B4GALNT3: variants seen among roughly 807,000 people sequenced by gnomAD.
B4GALNT3 encodes beta-1,4-N-acetylgalactosaminyltransferase 3.
B4GALNT3 carries 86 observed loss-of-function variants against 120.2 expected under a neutral mutation model. The observed-to-expected ratio is 0.72, with a 90% CI of 0.60 to 0.86. B4GALNT3 has a LOEUF of 0.86. Among genes scored for constraint, B4GALNT3 ranks in the 40% least tolerant of loss-of-function variants. B4GALNT3 has a pLI of 0.00. For missense variants in B4GALNT3, 1,167 were observed against 1,298.9 expected (o/e 0.90, Z 1.56); for synonymous variants, 518 against 510.4 (o/e 1.01, Z -0.20).
intron 1 of B4GALNT3, among the ~76,000 whole-genome samples, chr12:490,014 CTT>C (rs1157493094): frequency 6.6e-6 from 1 of 152,158 alleles, no homozygotes; most frequent in East Asian, 1.9e-4. Flanking sequence ...TCGAATAACA[CTT>C]ATGTCAAAGA....
chr12:493,134 TC>T (rs1946358803), intron 1 of B4GALNT3, among the ~76,000 whole-genome samples: 1 of 151,888 alleles, frequency 6.6e-6, no homozygotes, highest in Non-Finnish European at 1.5e-5. Context: ...AAAGACAATG[TC>T]AAAAAGAACA....
chr12:528,369 G>T (rs1342360850), intron 1 of B4GALNT3, among the ~76,000 whole-genome samples: 1 of 152,084 alleles, frequency 6.6e-6, no homozygotes, highest in African/African-American at 2.4e-5. Context: ...GAGATTACAG[G>T]TGTGAGCCAC....
rs373742062 is a variant in B4GALNT3, at chr12:546,629, C to T, written c.640-17C>T. The T allele has an allele frequency of 1.8e-5, 28 of 1,550,480 alleles. No homozygotes were observed. In the East Asian group the frequency reaches 5.6e-4, roughly 31 times the overall value. ...TTTCTCTGTTCCTCCCTCCTCTTCTCTCTTCCACACCTCTAGACTGGAAAG... is the reference window on the plus strand; with the variant it reads ...TTTCTCTGTTCCTCCCTCCTCTTCTTTCTTCCACACCTCTAGACTGGAAAG... On this transcript the variant is annotated splice_polypyrimidine_tract_variant and intron_variant, in intron 6 of 19. Transcript: ENST00000266383.
In B4GALNT3 at chr12:464,868, C is replaced by T. The variant is rs1946061851; in HGVS notation, c.169+4323C>T. ...TGGCCTTTGTGACTTCTGGCTGACT[C>T]GAGTGGGCTGAGGGAGGCACACCCG... On this transcript the variant is annotated intron_variant, in intron 1 of 19. Coordinates refer to ENST00000266383, the MANE Select transcript of B4GALNT3 (RefSeq NM_173593.4). Among the ~76,000 whole-genome samples, 3 of 152,150 alleles carry T rather than the reference C, an allele frequency of 2.0e-5. No homozygotes were observed. In the South Asian group the frequency reaches 6.2e-4, roughly 32 times the overall value.
rs758570657 is a variant in B4GALNT3 at position 561,449 on chromosome 12, T to C, written c.2995T>C (p.Ter999GlnextTer99). The change falls in exon 20 of 20, where the codon TAG (stop) becomes CAG (glutamine). Residue 999 changes from the stop codon to glutamine (Q), a stop_lost. Coordinates refer to ENST00000266383, the MANE Select transcript of B4GALNT3 (RefSeq NM_173593.4). ...GAGCCGTCGCCAGATGAAGACGCTG[T>C]AGCCGGAGGGTGTCCGCGGGGCCCA... Reference protein sequence around the residue: ...MWSRRQMKTL* With the variant: ...MWSRRQMKTLQ 6.2e-7 allele frequency: 1 copy of C among 1,611,042 alleles called. No homozygotes were observed. The highest frequency in any genetic ancestry group is 1.1e-5 in the South Asian group (1 of 90,948).
chr12:463,798 G>A (rs1946049643), intron 1 of B4GALNT3, among the ~76,000 whole-genome samples: 1 of 152,196 alleles, frequency 6.6e-6, no homozygotes. Context: ...CAAGAGTCGG[G>A]GAAAGTTTAT....
intron 1 of B4GALNT3, among the ~76,000 whole-genome samples, chr12:513,147 G>GACCTTCC (rs879301868): frequency 4.8e-4 from 36 of 75,124 alleles, no homozygotes; most frequent in East Asian, 2.4e-3. Context: ...TTCCACCTTC[G>GACCTTCC]ACCTTCCACC....
At chr12:523,893 C>G (rs539898782) in intron 1 of B4GALNT3, among the ~76,000 whole-genome samples, 34 of 152,252 alleles carry the variant, frequency 2.2e-4, no homozygotes, top group African/African-American at 7.9e-4. Context: ...AACCCCGTCT[C>G]TACTAAAAAC....
intron 1 of B4GALNT3, among the ~76,000 whole-genome samples, chr12:511,454 T>A (rs989147299): frequency 1.9e-5 from 1 of 53,936 alleles, no homozygotes; most frequent in Non-Finnish European, 3.2e-5. Context: ...ACCTTCCACC[T>A]TCTTCCACCT....
chr12:560,716 GCTGGGCTTTTGCTGCC>G, intron 19 of B4GALNT3, among the ~76,000 whole-genome samples: 1 of 152,228 alleles, frequency 6.6e-6, no homozygotes, highest in Non-Finnish European at 1.5e-5. Context: ...TGATCTCTGT[GCTGGGCTTTTGCTGCC>G]ATGCACGGCT....
intron 1 of B4GALNT3, among the ~76,000 whole-genome samples, chr12:534,675 T>C (rs927967835): frequency 1.3e-5 from 2 of 152,204 alleles, no homozygotes; most frequent in African/African-American, 2.4e-5. Flanking sequence ...GCCCACTCTT[T>C]CCTGCCTCTC....
chr12:524,214 T>C (rs954923662), intron 1 of B4GALNT3, among the ~76,000 whole-genome samples: 13 of 152,238 alleles, frequency 8.5e-5, no homozygotes. Flanking sequence ...GATCCCCATA[T>C]TCCTTTCTTG....
intron 1 of B4GALNT3, among the ~76,000 whole-genome samples, chr12:467,960 G>C (rs11063098): frequency 2.0e-5 from 3 of 152,074 alleles, no homozygotes; most frequent in Admixed American, 6.5e-5. Flanking sequence ...AAGCTTTAGG[G>C]TTCAGTTTTT....
intron 1 of B4GALNT3, among the ~76,000 whole-genome samples, chr12:487,484 G>A (rs769292330): frequency 1.3e-5 from 2 of 151,942 alleles, no homozygotes; most frequent in East Asian, 1.9e-4. Flanking sequence ...AGGCTGAGGC[G>A]GGCAGATCAC....
chr12:474,947 C>CAAAAA (rs386375353), intron 1 of B4GALNT3, among the ~76,000 whole-genome samples: 27 of 60,588 alleles, frequency 4.5e-4, no homozygotes, highest in South Asian at 8.0e-4. Context: ...GACCTTGTCT[C>CAAAAA]AAAAAAAAAA....
At chr12:513,803 G>T (rs897861543) in intron 1 of B4GALNT3, among the ~76,000 whole-genome samples, 12 of 152,178 alleles carry the variant, frequency 7.9e-5, no homozygotes, top group African/African-American at 2.9e-4. Context: ...TGCCCAGGCT[G>T]ATCCCTAACT....
intron 1 of B4GALNT3, among the ~76,000 whole-genome samples, chr12:497,746 C>T (rs1041051803): frequency 2.0e-5 from 3 of 152,156 alleles, no homozygotes; most frequent in Non-Finnish European, 2.9e-5. Context: ...CTTGACCTCC[C>T]GCTCTTTGTG....
chr12:552,817 C>T (rs1160600208), intron 13 of B4GALNT3: 7 of 507,880 alleles, frequency 1.4e-5, no homozygotes, highest in East Asian at 1.0e-4. Context: ...CTGTCCCTGG[C>T]GCACCATTTG....
At chr12:489,753 C>T (rs1232939659) in intron 1 of B4GALNT3, among the ~76,000 whole-genome samples, 1 of 152,172 alleles carries the variant, frequency 6.6e-6, no homozygotes, top group Non-Finnish European at 1.5e-5. Context: ...CAGCACCATC[C>T]GTCAACTGGA....
Sources: gnomAD v4.1 joint callset for allele counts (sites outside exome capture counted in the v4.1 genomes callset) on GRCh38, gnomAD v4.1.1 for gene constraint, MANE v1.5 for transcripts, NCBI Gene and HGNC (gene_info 2026-07-23, HGNC 2026-07-21) for gene names.